The following GDPD1 variants were observed in gnomAD, a reference collection of about 807,000 sequenced individuals.
The protein encoded by GDPD1 is lysophospholipase D GDPD1.
GDPD1 carries 28 observed loss-of-function variants against 45.1 expected under a neutral mutation model. The ratio of observed to expected loss-of-function variants is 0.62; its 90% CI spans 0.46 to 0.85. The LOEUF is 0.85. Ranked by LOEUF, GDPD1 falls within the 40% of genes least tolerant of loss-of-function variation. GDPD1 has a pLI of 0.00. For missense variants in GDPD1, 256 were observed against 364.8 expected (o/e 0.70, Z 2.43); for synonymous variants, 139 against 131.4 (o/e 1.06, Z -0.40).
chr17:59,268,578 C>CAAAAAAA (rs1176390251), intron 7 of GDPD1, among the ~76,000 whole-genome samples: 46 of 35,230 alleles, frequency 1.3e-3, no homozygotes, highest in African/African-American at 3.0e-3. Flanking sequence ...GACTCTGTCT[C>CAAAAAAA]AAAAAAAAAA....
At chr17:59,223,355 C>T (rs1315228930) in intron 1 of GDPD1, among the ~76,000 whole-genome samples, 1 of 152,112 alleles carries the variant, frequency 6.6e-6, no homozygotes, top group Non-Finnish European at 1.5e-5. Flanking sequence ...GGTAAGTTCC[C>T]ATGTCAGTGC....
chr17:59,248,784 A>G lies in GDPD1; in HGVS notation c.366A>G (p.Arg122=). 6.3e-7 allele frequency: 1 copy of G among 1,599,982 alleles called. No individual in the cohort carries two copies. Among genetic ancestry groups the G allele is most frequent in the East Asian group, 2.3e-5 (1 of 44,410 alleles). ...YLGKLDVSFQ[R]ACQCEGKDNR... is the part of the protein sequence containing the mutation. ...GCAAACTGGATGTCTCATTTCAAAG[A>G]GGTAATATTTTTTGTTTGTGGCTTA... Residue 122 remains arginine, a splice_region_variant and synonymous_variant, in exon 4 of 10, where the codon AGA becomes AGG. Transcript: ENST00000284116.
intron 4 of GDPD1, among the ~76,000 whole-genome samples, chr17:59,252,684 C>A (rs1023118381): frequency 2.0e-5 from 3 of 151,206 alleles, no homozygotes; most frequent in Admixed American, 1.3e-4. Context: ...GGCAACAGAG[C>A]GAGACTGTCT....
chr17:59,242,676 G>C (rs955782568), intron 2 of GDPD1, among the ~76,000 whole-genome samples: 4 of 152,146 alleles, frequency 2.6e-5, no homozygotes, highest in East Asian at 1.9e-4. Context: ...CACATGACCA[G>C]GAAAGATTAG....
Position 59,248,715 on chromosome 17 carries a change from T to C in GDPD1, c.322-25T>C, listed in dbSNP as rs760168613. On this transcript the variant is annotated intron_variant, in intron 3 of 9. Coordinates refer to ENST00000284116, the MANE Select transcript of GDPD1 (RefSeq NM_182569.4). ...CTTATTATTTTTTGAGAGTTAACTTTTTTTTCAATCATATCTTTTTAAAGG... is the reference window on the plus strand; with the variant it reads ...CTTATTATTTTTTGAGAGTTAACTTCTTTTTCAATCATATCTTTTTAAAGG... The C allele has an allele frequency of 6.5e-6, 10 of 1,549,546 alleles. No individual in the cohort carries two copies. The South Asian group carries it at 1.2e-4, about 19-fold the overall frequency.
At chr17:59,223,493 G>C (rs1378473396) in intron 1 of GDPD1, among the ~76,000 whole-genome samples, 1 of 152,156 alleles carries the variant, frequency 6.6e-6, no homozygotes, top group African/African-American at 2.4e-5. Context: ...AACTAGGAAG[G>C]AATCACTCCA....
chr17:59,273,019 GGATCTA>G, intron 9 of GDPD1, 183 bp downstream of exon 9: 1 of 1,373,524 alleles, frequency 7.3e-7, no homozygotes, highest in South Asian at 1.5e-5. Flanking sequence ...TGGCATTTCT[GGATCTA>G]GATTCCTCTT....
chr17:59,247,205 G>T (rs1315610601), intron 3 of GDPD1, among the ~76,000 whole-genome samples: 3 of 152,130 alleles, frequency 2.0e-5, no homozygotes, highest in Non-Finnish European at 4.4e-5. Context: ...TTTAACATCT[G>T]CACCAGATTG....
intron 1 of GDPD1, among the ~76,000 whole-genome samples, chr17:59,223,248 A>C (rs1380607537): frequency 1.3e-5 from 2 of 152,252 alleles, no homozygotes; most frequent in Admixed American, 1.3e-4. Flanking sequence ...CAGTATTTAT[A>C]TATTTAAAGA....
At chr17:59,232,515 A>T (rs67759220) in intron 1 of GDPD1, among the ~76,000 whole-genome samples, 28,868 of 152,020 alleles carry the variant, frequency 0.19, 2,812 homozygotes, top group East Asian at 0.27. Flanking sequence ...TTTAACGTTG[A>T]TCATGAGGTT....
chr17:59,262,018 C>T (rs1332034461), intron 6 of GDPD1, among the ~76,000 whole-genome samples: 1 of 143,990 alleles, frequency 6.9e-6, no homozygotes, highest in Non-Finnish European at 1.5e-5. Context: ...CCCGGGTTCA[C>T]GCCATTCTCC....
At chr17:59,238,616 T>C (rs1219783948) in intron 2 of GDPD1, among the ~76,000 whole-genome samples, 1 of 152,098 alleles carries the variant, frequency 6.6e-6, no homozygotes, top group Non-Finnish European at 1.5e-5. Flanking sequence ...GGTTTCACCA[T>C]GTTAGCCAGG....
intron 1 of GDPD1, among the ~76,000 whole-genome samples, chr17:59,228,671 C>G (rs891940440): frequency 1.3e-5 from 2 of 151,318 alleles, no homozygotes; most frequent in African/African-American, 4.9e-5. Flanking sequence ...TTGCTTGAGT[C>G]TAGGAGTTTG....
chr17:59,227,183 T>A (rs2047053641), intron 1 of GDPD1, among the ~76,000 whole-genome samples: 1 of 151,922 alleles, frequency 6.6e-6, no homozygotes, highest in Non-Finnish European at 1.5e-5. Flanking sequence ...CCCAGCACTT[T>A]GGGAGGCCGA....
At chr17:59,258,950 CCTTT>C (rs2047330867) in intron 6 of GDPD1, among the ~76,000 whole-genome samples, 1 of 151,326 alleles carries the variant, frequency 6.6e-6, no homozygotes, top group Non-Finnish European at 1.5e-5. Flanking sequence ...AGTGAGACCC[CCTTT>C]CTATTATTAT....
chr17:59,235,517 A>G (rs992035779), intron 2 of GDPD1, among the ~76,000 whole-genome samples: 1 of 152,180 alleles, frequency 6.6e-6, no homozygotes, highest in Non-Finnish European at 1.5e-5. Flanking sequence ...CTCTTACAAA[A>G]ATGTAAAATT....
In GDPD1 at chr17:59,272,771, T is replaced by G; in HGVS notation, c.771-14T>G. 6.4e-7 allele frequency: 1 copy of G among 1,551,962 alleles called. No homozygotes were observed. The highest frequency in any genetic ancestry group is 8.9e-7 in the Non-Finnish European group (1 of 1,123,294). ...GACTAAATTCCTAAATCAGTTTTGC[T>G]TTTTCTTTTCTAGCTTACTAATGAG... On this transcript the variant is annotated splice_polypyrimidine_tract_variant and intron_variant, in intron 8 of 9. Coordinates refer to ENST00000284116, the MANE Select transcript of GDPD1 (RefSeq NM_182569.4).
chr17:59,231,621 C>G (rs934218619), intron 1 of GDPD1, among the ~76,000 whole-genome samples: 5 of 151,972 alleles, frequency 3.3e-5, no homozygotes, highest in Non-Finnish European at 7.4e-5. Flanking sequence ...CCACCGCGCC[C>G]AGCCAAAAAC....
intron 3 of GDPD1, among the ~76,000 whole-genome samples, chr17:59,246,616 G>A (rs1480224242): frequency 1.4e-5 from 2 of 138,250 alleles, no homozygotes; most frequent in Non-Finnish European, 3.0e-5. Flanking sequence ...GGCTGAGGCA[G>A]GAGAATCGCT....
Sources: allele counts gnomAD v4.1 joint callset (sites outside exome capture counted in the v4.1 genomes callset), GRCh38; gene constraint gnomAD v4.1.1; transcripts MANE v1.5; gene names NCBI Gene and HGNC (gene_info 2026-07-23, HGNC 2026-07-21).